Variants in CCDC82 observed in about 807,000 individuals in gnomAD.
CCDC82 encodes the protein coiled-coil domain-containing protein 82.
CCDC82 carries 47 observed loss-of-function variants against 60.6 expected under a neutral mutation model. The observed-to-expected ratio is 0.77, with a 90% confidence interval of 0.61 to 0.99. CCDC82 has a LOEUF of 0.99. CCDC82 is among the 50% of genes least tolerant of loss of function. CCDC82 has a pLI of 0.00. For synonymous variants in CCDC82, 212 were observed against 207.4 expected (o/e 1.02, Z -0.19); for missense variants, 588 against 633.0 (o/e 0.93, Z 0.76).
At chr11:96,360,728 A>C (rs1864616606) in intron 8 of CCDC82, among the ~76,000 whole-genome samples, 2 of 152,340 alleles carry the variant, frequency 1.3e-5, no homozygotes, top group East Asian at 3.9e-4. Flanking sequence ...ACAGAAAAAT[A>C]CACTTGTTTC....
Position 96,359,126 on chromosome 11 carries a change from A to C in CCDC82, c.1433T>G (p.Leu478Arg), listed in dbSNP as rs1255442378. 1 of 1,597,906 alleles carries C rather than the reference A, an allele frequency of 6.3e-7. No homozygotes were observed. The highest frequency in any genetic ancestry group is 8.5e-7 in the Non-Finnish European group (1 of 1,175,840). The change falls in exon 9 of 10, where the codon CTG becomes CGG. Residue 478 changes from leucine (L) to arginine (R), a missense_variant. By Grantham distance (102) the Leu-to-Arg change is moderately radical (BLOSUM62 -2). Coordinates refer to ENST00000646818, the MANE Select transcript of CCDC82 (RefSeq NM_024725.4). ...CASRTRIYHK[L>R]KHFKFKLYQE... ...GTATAGTTTGAATTTAAAATGTTTC[A>C]GTTTATGATAAATTCTGGTACGGCT... is the stretch of plus-strand genomic sequence containing the variant.
At chr11:96,374,711 G>C (rs932070458) in intron 5 of CCDC82, among the ~76,000 whole-genome samples, 1 of 151,900 alleles carries the variant, frequency 6.6e-6, no homozygotes, top group African/African-American at 2.4e-5. Context: ...CATCACCCAG[G>C]AATTAGACCC....
chr11:96,383,743 CAAAT>C (rs891289578), intron 4 of CCDC82, among the ~76,000 whole-genome samples: 3 of 151,746 alleles, frequency 2.0e-5, no homozygotes, highest in East Asian at 1.9e-4. Context: ...TATAAAATAA[CAAAT>C]AGTCTTTCAA....
chr11:96,374,545 C>T (rs949446428), intron 5 of CCDC82, among the ~76,000 whole-genome samples: 1 of 152,036 alleles, frequency 6.6e-6, no homozygotes, highest in African/African-American at 2.4e-5. Flanking sequence ...TGGCCATTAG[C>T]CTTTAGATGG....
At chr11:96,362,354 GTTTTCT>G (rs1647593229) in intron 8 of CCDC82, among the ~76,000 whole-genome samples, 1 of 152,134 alleles carries the variant, frequency 6.6e-6, no homozygotes, top group African/African-American at 2.4e-5. Context: ...GGAAAAGTTT[GTTTTCT>G]GTTTCTGGGT....
chr11:96,382,984 A>G lies in CCDC82; in HGVS notation c.991+285T>C, dbSNP rs948849240. 3 of 263,994 alleles carry G rather than the reference A, an allele frequency of 1.1e-5. No homozygotes were observed. In the Admixed American group the frequency reaches 1.6e-4, roughly 14 times the overall value. 16.4% of individuals were successfully genotyped at this position (263,994 alleles called of 1,614,324 possible). ...ATAAATTTACTAAGGATTATTTTAA[A>G]TGAATTAATAAATATATTTTAAATT... is the stretch of plus-strand genomic sequence containing the variant. On this transcript the variant is annotated intron_variant, in intron 5 of 9. Coordinates refer to ENST00000646818, the MANE Select transcript of CCDC82 (RefSeq NM_024725.4).
intron 7 of CCDC82, among the ~76,000 whole-genome samples, chr11:96,369,894 G>C (rs1865168847): frequency 6.6e-6 from 1 of 152,174 alleles, no homozygotes; most frequent in Non-Finnish European, 1.5e-5. Context: ...CAGTATTTAT[G>C]CCATGTTCTA....
chr11:96,385,680 C>G (rs972556648), intron 3 of CCDC82: 1 of 152,038 alleles, frequency 6.6e-6, no homozygotes, highest in Non-Finnish European at 1.5e-5. Context: ...GTAAGTTCCA[C>G]GGCAAAGCAG....
At chr11:96,371,964 AATTT>A (rs1414934964) in intron 6 of CCDC82, among the ~76,000 whole-genome samples, 15 of 152,298 alleles carry the variant, frequency 9.8e-5, no homozygotes, top group Admixed American at 8.5e-4. Context: ...TTTATTAATT[AATTT>A]AACTAATAAA....
chr11:96,360,355 G>A (rs1864589790), intron 8 of CCDC82, among the ~76,000 whole-genome samples: 1 of 150,368 alleles, frequency 6.7e-6, no homozygotes, highest in African/African-American at 2.5e-5. Context: ...ACCACACGCA[G>A]CTAATTTTTT....
At chr11:96,383,887 C>G in intron 4 of CCDC82, 75 bp downstream of exon 4, 3 of 1,319,306 alleles carry the variant, frequency 2.3e-6, no homozygotes, top group Non-Finnish European at 3.1e-6. Flanking sequence ...ACGGACTCAG[C>G]ACTTTTTTAT....
At position 96,384,364 on chromosome 11, in the gene CCDC82, T is replaced by C. The variant is rs1309155347; in HGVS notation, c.384A>G (p.Lys128=). The change falls in exon 4 of 10, where the codon AAA becomes AAG. Residue 128 remains lysine, a synonymous_variant. Transcript: ENST00000646818. ...GATCATTATCCTCTTGACTTAAATGTTTTTCCTGATCTTGTAAGTCAATAT... is the reference window on the plus strand; with the variant it reads ...GATCATTATCCTCTTGACTTAAATGCTTTTCCTGATCTTGTAAGTCAATAT... The part of the protein sequence containing the change: ...HRNIDLQDQE[K]HLSQEDNDLN... The C allele has an allele frequency of 1.9e-6, 3 of 1,613,828 alleles. No individual in the cohort carries two copies. Among genetic ancestry groups the C allele is most frequent in the East Asian group, 4.5e-5 (2 of 44,868 alleles).
At chr11:96,387,050 C>G (rs1172453882) in intron 2 of CCDC82, 1 of 152,218 alleles carries the variant, frequency 6.6e-6, no homozygotes, top group African/African-American at 2.4e-5. Context: ...TTTGCGTAAG[C>G]TAAGTGTGCA....
intron 7 of CCDC82, among the ~76,000 whole-genome samples, chr11:96,368,490 A>G (rs954983706): frequency 3.3e-5 from 5 of 152,168 alleles, no homozygotes; most frequent in African/African-American, 1.2e-4. Flanking sequence ...TTAGGTCACC[A>G]GCTGCATTAG....
intron 6 of CCDC82, 76 bp from the exon 7 acceptor site, chr11:96,371,213 T>G: frequency 1.0e-6 from 1 of 999,646 alleles, no homozygotes. Flanking sequence ...CTTAAAAATT[T>G]CTTCCCAACT....
intron 5 of CCDC82, among the ~76,000 whole-genome samples, chr11:96,373,962 T>G (rs951698738): frequency 5.9e-5 from 9 of 152,312 alleles, no homozygotes; most frequent in Non-Finnish European, 1.2e-4. Context: ...TTTAGGATTT[T>G]CTACATCAAT....
intron 5 of CCDC82, among the ~76,000 whole-genome samples, chr11:96,377,247 T>C (rs1865624897): frequency 6.6e-6 from 1 of 152,174 alleles, no homozygotes; most frequent in African/African-American, 2.4e-5. Context: ...ATGCAAGCCA[T>C]GAAAAGATAT....
At chr11:96,358,965 T>C (rs772012618) in intron 9 of CCDC82, 28 bp downstream of exon 9, 1 of 1,540,660 alleles carries the variant, frequency 6.5e-7, no homozygotes, top group African/African-American at 1.4e-5. Flanking sequence ...AGAATCTACA[T>C]GATAAGATTC....
chr11:96,389,823 G>C (rs1001650782), intron 1 of CCDC82, 21 bp downstream of exon 1: 8 of 153,154 alleles, frequency 5.2e-5, no homozygotes, highest in African/African-American at 1.9e-4. Flanking sequence ...AGACAGCCCC[G>C]CACCGCCCTC....
Sources: gnomAD v4.1 joint callset for allele counts (sites outside exome capture counted in the v4.1 genomes callset) on GRCh38, gnomAD v4.1.1 for gene constraint, MANE v1.5 for transcripts, NCBI Gene and HGNC (gene_info 2026-07-23, HGNC 2026-07-21) for gene names.